DSCAML1: variants seen among roughly 807,000 people sequenced by gnomAD.
DSCAML1 encodes the protein cell adhesion molecule DSCAML1.
DSCAML1 carries 38 observed loss-of-function variants against 200.5 expected under a neutral mutation model. That is an observed-to-expected ratio of 0.19 (90% CI 0.15 to 0.25). The LOEUF (loss-of-function observed/expected upper bound fraction) is 0.25. Among genes scored for constraint, DSCAML1 ranks in the 10% least tolerant of loss-of-function variants. The pLI, the probability that DSCAML1 is intolerant of heterozygous loss-of-function variation, is 1.00. For synonymous variants in DSCAML1, 1,215 were observed against 1,165.0 expected (o/e 1.04, Z -0.87); for missense variants, 2,223 against 2,858.8 (o/e 0.78, Z 5.07).
rs756821722 is a variant in DSCAML1, at chr11:117,444,007, C to T, written c.3741G>A (p.Gln1247=). The T allele has an allele frequency of 3.4e-5, 55 of 1,613,698 alleles. No individual in the cohort carries two copies. Among genetic ancestry groups the T allele is most frequent in the Non-Finnish European group, 4.7e-5 (55 of 1,179,762 alleles). Residue 1247 remains glutamine, a synonymous_variant, in exon 21 of 33, where the codon CAG becomes CAA. Coordinates refer to ENST00000651296, the MANE Select transcript of DSCAML1 (RefSeq NM_020693.4). ...TTAGGTGGGCGATCCGGTAGAAGAG[C>T]TGCTCTGGACTCGTCTCGTACTCGC... ...APSEYETSPE[Q]LFYRIAHLNR...
chr11:117,578,066 C>T (rs1402082947), intron 3 of DSCAML1, among the ~76,000 whole-genome samples: 1 of 151,424 alleles, frequency 6.6e-6, no homozygotes, highest in Admixed American at 6.6e-5. Flanking sequence ...GAAACCCTGT[C>T]TTTACTAAAA....
chr11:117,809,980 C>G (rs1446616997), intron 1 of DSCAML1, among the ~76,000 whole-genome samples: 1 of 147,730 alleles, frequency 6.8e-6, no homozygotes, highest in African/African-American at 2.4e-5. Context: ...CACACACACT[C>G]ATACACACAT....
chr11:117,672,942 C>T (rs1290286460), intron 3 of DSCAML1, among the ~76,000 whole-genome samples: 1 of 152,186 alleles, frequency 6.6e-6, no homozygotes, highest in Non-Finnish European at 1.5e-5. Flanking sequence ...TACATTTCTG[C>T]ACTTGTTCCC....
At chr11:117,564,850 C>T (rs2137423480) in intron 3 of DSCAML1, among the ~76,000 whole-genome samples, 1 of 152,138 alleles carries the variant, frequency 6.6e-6, no homozygotes, top group Middle Eastern at 3.4e-3. Flanking sequence ...ACTGCAACCT[C>T]CACCTCCTGG....
rs192183669 is a variant in DSCAML1 at position 117,771,389 on chromosome 11, G to A, written c.511+5402C>T. Among the ~76,000 whole-genome samples the A allele has an allele frequency of 3.3e-5, 5 of 152,268 alleles. No individual in the cohort carries two copies. The East Asian group carries it at 5.8e-4, about 18-fold the overall frequency. ...CCATGGGGCCAAAAACAGAGCCAGC[G>A]CCCAACAAAGCCTTCTTGTTAGGAT... On this transcript the variant is annotated intron_variant, in intron 3 of 32. Transcript: ENST00000651296.
At chr11:117,558,668 T>C (rs1248795660) in intron 3 of DSCAML1, among the ~76,000 whole-genome samples, 1 of 152,176 alleles carries the variant, frequency 6.6e-6, no homozygotes, top group Non-Finnish European at 1.5e-5. Context: ...GAGGTTTTTA[T>C]TTGGCTGGGA....
At chr11:117,790,488 A>AG (rs2055440908) in intron 1 of DSCAML1, among the ~76,000 whole-genome samples, 1 of 152,212 alleles carries the variant, frequency 6.6e-6, no homozygotes, top group South Asian at 2.1e-4. Flanking sequence ...GGGCCCACGG[A>AG]GGGGGAGACA....
chr11:117,667,481 G>T (rs915350978), intron 3 of DSCAML1, among the ~76,000 whole-genome samples: 1 of 152,154 alleles, frequency 6.6e-6, no homozygotes, highest in African/African-American at 2.4e-5. Flanking sequence ...ACTCTCTAAT[G>T]GGCCAGCTTG....
chr11:117,612,236 C>G (rs1363497382), intron 3 of DSCAML1, among the ~76,000 whole-genome samples: 2 of 152,194 alleles, frequency 1.3e-5, no homozygotes, highest in Non-Finnish European at 2.9e-5. Context: ...ACTGGGCAGG[C>G]AAAGTTGAGA....
At chr11:117,577,458 T>TTCC (rs1555186443) in intron 3 of DSCAML1, among the ~76,000 whole-genome samples, 2 of 57,358 alleles carry the variant, frequency 3.5e-5, no homozygotes, top group East Asian at 4.9e-4. Flanking sequence ...CCTTCCTTCC[T>TTCC]TTCCTTCCTT....
chr11:117,439,579 G>A (rs1224709724), intron 22 of DSCAML1, 150 bp from the exon 23 acceptor site: 1 of 1,120,280 alleles, frequency 8.9e-7, no homozygotes, highest in African/African-American at 1.6e-5. Context: ...GCACTCCCTG[G>A]GGGTATGAGG....
chr11:117,648,166 C>A (rs1437931984), intron 3 of DSCAML1, among the ~76,000 whole-genome samples: 1 of 152,232 alleles, frequency 6.6e-6, no homozygotes, highest in Admixed American at 6.5e-5. Context: ...CACTCATTCC[C>A]CCATCTCAGA....
At chr11:117,497,008 A>G (rs1017056406) in intron 11 of DSCAML1, among the ~76,000 whole-genome samples, 3 of 152,204 alleles carry the variant, frequency 2.0e-5, no homozygotes, top group Non-Finnish European at 4.4e-5. Context: ...TCGTTGGTTC[A>G]GGCTTATCTT....
At chr11:117,665,822 A>G (rs1356100608) in intron 3 of DSCAML1, among the ~76,000 whole-genome samples, 1 of 152,168 alleles carries the variant, frequency 6.6e-6, no homozygotes, top group Admixed American at 6.5e-5. Context: ...GACACTGCCA[A>G]CGTATAGGTT....
chr11:117,573,542 C>T (rs1427639296), intron 3 of DSCAML1, among the ~76,000 whole-genome samples: 1 of 152,226 alleles, frequency 6.6e-6, no homozygotes, highest in Non-Finnish European at 1.5e-5. Flanking sequence ...AGGTAATCCC[C>T]TGGGTGGGCA....
chr11:117,737,259 A>G (rs2054334349), intron 3 of DSCAML1, among the ~76,000 whole-genome samples: 2 of 152,224 alleles, frequency 1.3e-5, no homozygotes, highest in African/African-American at 4.8e-5. Context: ...TTATTCTATG[A>G]TGAAAAAGGA....
intron 6 of DSCAML1, among the ~76,000 whole-genome samples, chr11:117,520,335 GAAAC>G (rs1328606237): frequency 3.3e-5 from 5 of 152,124 alleles, no homozygotes; most frequent in South Asian, 2.1e-4. Context: ...AGGAGATAGA[GAAAC>G]AAACAAACAG....
At chr11:117,526,834 T>C (rs2049986896) in intron 4 of DSCAML1, among the ~76,000 whole-genome samples, 1 of 151,786 alleles carries the variant, frequency 6.6e-6, no homozygotes, top group African/African-American at 2.4e-5. Context: ...CCCCTTCTTT[T>C]AAAATAAATG....
intron 19 of DSCAML1, among the ~76,000 whole-genome samples, chr11:117,451,061 G>T (rs574820843): frequency 1.3e-5 from 2 of 152,290 alleles, no homozygotes; most frequent in South Asian, 4.2e-4. Flanking sequence ...GTATTTAGGG[G>T]GAAAATACCC....
Sources: allele counts gnomAD v4.1 joint callset (sites outside exome capture counted in the v4.1 genomes callset), GRCh38; gene constraint gnomAD v4.1.1; transcripts MANE v1.5; gene names NCBI Gene and HGNC (gene_info 2026-07-23, HGNC 2026-07-21).